CACNA1C: variants seen among roughly 807,000 people sequenced by gnomAD.
CACNA1C encodes the protein calcium voltage-gated channel subunit alpha1 C.
Under a neutral mutation model 229.0 loss-of-function variants are expected in CACNA1C, and 30 were observed. The observed-to-expected ratio is 0.13, with a 90% CI of 0.10 to 0.18. CACNA1C has a LOEUF of 0.18. CACNA1C is among the 10% of genes least tolerant of loss of function. The probability of loss-of-function intolerance (pLI) is 1.00; values close to 1 mark genes in which losing one functional copy is unlikely to be tolerated. For synonymous variants in CACNA1C, 1,114 were observed against 1,132.5 expected, an observed-to-expected ratio of 0.98 and a Z score of 0.33; for missense variants, 1,658 against 2,845.0, an observed-to-expected ratio of 0.58 and a Z score of 9.49.
At chr12:2,004,123 G>T in intron 1 of CACNA1C, 1 of 818,116 alleles carries the variant, frequency 1.2e-6, no homozygotes, top group Non-Finnish European at 1.8e-6. Context: ...CCAAACCCCC[G>T]AGACCCCATC....
At chr12:2,359,524 C>A (rs1046735612) in intron 3 of CACNA1C, among the ~76,000 whole-genome samples, 3 of 150,944 alleles carry the variant, frequency 2.0e-5, no homozygotes, top group Admixed American at 1.3e-4. Context: ...GCCTTCGAAT[C>A]CTTTTGGAGC....
chr12:2,674,394 T>A (rs1355771902), intron 38 of CACNA1C, 147 bp from the exon 39 acceptor site: 6 of 1,161,540 alleles, frequency 5.2e-6, no homozygotes, highest in Non-Finnish European at 7.1e-6. Context: ...ATGGGAAGAC[T>A]GGGGAGAAGT....
Position 2,679,867 on chromosome 12 carries a change from G to A in CACNA1C, c.5444+71G>A, listed in dbSNP as rs1569226719. The A allele has an allele frequency of 5.3e-6, 6 of 1,132,718 alleles. No individual in the cohort carries two copies. The highest frequency in any genetic ancestry group is 1.6e-5 in the African/African-American group (1 of 64,404). The allele number at this position is 1,132,718 out of a possible 1,614,324, so 70.2% of individuals were successfully genotyped here. ...GCTGCAACCCTCAGGAGACAGTGGA[G>A]GAGACGGAGGCCTCGGCCAGCCACT... On this transcript the variant is annotated intron_variant, in intron 42 of 46. Coordinates refer to ENST00000399655, the MANE Select transcript of CACNA1C (RefSeq NM_000719.7). This position sits in a 1 kb window ranked among gnomAD's most constrained non-coding sequence, Gnocchi z 5.5.
At chr12:2,156,796 T>G (rs2095575372) in intron 3 of CACNA1C, among the ~76,000 whole-genome samples, 1 of 152,230 alleles carries the variant, frequency 6.6e-6, no homozygotes, top group South Asian at 2.1e-4. Context: ...GCAGTGTTAA[T>G]GTCCATTTCT....
At chr12:2,640,808 G>A (rs775340934) in intron 30 of CACNA1C, among the ~76,000 whole-genome samples, 1 of 152,216 alleles carries the variant, frequency 6.6e-6, no homozygotes, top group Non-Finnish European at 1.5e-5. Flanking sequence ...AGCAAGCCGG[G>A]CTCCTCTCTG....
intron 3 of CACNA1C, among the ~76,000 whole-genome samples, chr12:2,372,931 GGCC>G (rs1207290663): frequency 2.0e-5 from 3 of 152,250 alleles, no homozygotes; most frequent in African/African-American, 4.8e-5. Context: ...CCCCAGGAGA[GGCC>G]AGCAAGTCCG....
chr12:2,375,343 A>C (rs1281762067), intron 3 of CACNA1C, among the ~76,000 whole-genome samples: 4 of 152,220 alleles, frequency 2.6e-5, no homozygotes, highest in Non-Finnish European at 5.9e-5. Context: ...AATGATGCCC[A>C]GTGAATGATG....
At chr12:2,204,488 G>A (rs2097692206) in intron 3 of CACNA1C, among the ~76,000 whole-genome samples, 1 of 150,896 alleles carries the variant, frequency 6.6e-6, no homozygotes, top group Non-Finnish European at 1.5e-5. Context: ...AAAGACACAT[G>A]CACACGTATG....
chr12:2,039,439 C>A (rs2049707506), intron 1 of CACNA1C, among the ~76,000 whole-genome samples: 1 of 152,202 alleles, frequency 6.6e-6, no homozygotes, highest in African/African-American at 2.4e-5. Context: ...TGGATTAATT[C>A]TCTACCACCA....
At chr12:2,631,360 G>A (rs1418481303) in intron 29 of CACNA1C, among the ~76,000 whole-genome samples, 4 of 152,100 alleles carry the variant, frequency 2.6e-5, no homozygotes, top group African/African-American at 9.7e-5. Context: ...TCTTGTTCTT[G>A]TTTGTCTCCC....
chr12:2,194,104 G>A (rs900023857), intron 3 of CACNA1C, among the ~76,000 whole-genome samples: 2 of 151,606 alleles, frequency 1.3e-5, no homozygotes, highest in Non-Finnish European at 3.0e-5. Flanking sequence ...TACCTGCCCC[G>A]TCCTCCTCCT....
chr12:2,184,847 C>G (rs978362586), intron 3 of CACNA1C, among the ~76,000 whole-genome samples: 4 of 152,158 alleles, frequency 2.6e-5, no homozygotes, highest in Non-Finnish European at 5.9e-5. Flanking sequence ...TTCCGCTATC[C>G]CCAAACATGC....
chr12:2,537,800 C>T (rs2108704), intron 9 of CACNA1C, among the ~76,000 whole-genome samples: 13,449 of 152,092 alleles, frequency 0.088, 651 homozygotes, highest in Non-Finnish European at 0.11. Context: ...TGGAGTGTCT[C>T]GCCCTCCTGT....
chr12:2,577,001 C>G (rs1568530605), intron 13 of CACNA1C, among the ~76,000 whole-genome samples: 1 of 152,194 alleles, frequency 6.6e-6, no homozygotes, highest in African/African-American at 2.4e-5. Context: ...GGAATGGAAG[C>G]CTTCTGCTCA....
chr12:1,989,577 G>C (rs2038814219), intron 1 of CACNA1C, among the ~76,000 whole-genome samples: 1 of 152,096 alleles, frequency 6.6e-6, no homozygotes, highest in South Asian at 2.1e-4. Context: ...AGCCAGGCAT[G>C]GTGCCATACA....
chr12:2,171,303 C>T (rs1022196978), intron 3 of CACNA1C, among the ~76,000 whole-genome samples: 3 of 152,078 alleles, frequency 2.0e-5, no homozygotes, highest in Admixed American at 6.5e-5. Context: ...GACCTTTGTT[C>T]GCCTGAGTCC....
chr12:2,688,637 G>A lies in CACNA1C; in HGVS notation c.5975G>A (p.Cys1992Tyr). 6.2e-7 allele frequency: 1 copy of A among 1,613,908 alleles called. No individual in the cohort carries two copies. The change falls in exon 46 of 47, where the codon TGC becomes TAC. Residue 1992 changes from cysteine (C) to tyrosine (Y), a missense_variant. Cys to Tyr is a radical substitution (Grantham distance 194, BLOSUM62 -2). Coordinates refer to ENST00000399655, the MANE Select transcript of CACNA1C (RefSeq NM_000719.7). ...AACAGCAGCTTCCCATCCATCCACT[G>A]CGGCTCCTGGGCTGAGACCACCCCC... ...KLNSSFPSIHCGSWAETTPGG... is the reference protein window; with the variant it reads ...KLNSSFPSIHYGSWAETTPGG...
At chr12:2,129,483 T>A (rs1236445312) in intron 3 of CACNA1C, among the ~76,000 whole-genome samples, 1 of 152,212 alleles carries the variant, frequency 6.6e-6, no homozygotes, top group African/African-American at 2.4e-5. Context: ...TTATCCATCT[T>A]TATTCATTTT....
chr12:2,679,813 C>G lies in CACNA1C; in HGVS notation c.5444+17C>G. ...CTCCAACAGGTAAGTGGGAGGCTGG[C>G]CACCCCAGGCGGCACACAGGGCCCA... On this transcript the variant is annotated intron_variant, in intron 42 of 46. Transcript: ENST00000399655. The surrounding 1 kb of genome is among the most constrained non-coding windows in gnomAD (Gnocchi z 5.5). The G allele has an allele frequency of 6.6e-7, 1 of 1,517,980 alleles. No homozygotes were observed. The highest frequency in any genetic ancestry group is 8.9e-7 in the Non-Finnish European group (1 of 1,120,990). The allele number at this position is 1,517,980 out of a possible 1,614,324, so 94.0% of individuals were successfully genotyped here.
Sources: gnomAD v4.1 joint callset for allele counts (sites outside exome capture counted in the v4.1 genomes callset) on GRCh38, gnomAD v4.1.1 for gene constraint, Gnocchi (gnomAD v3.1) non-coding constraint, MANE v1.5 for transcripts, NCBI Gene and HGNC (gene_info 2026-07-23, HGNC 2026-07-21) for gene names.